The following CELF2 variants were observed in gnomAD, a reference collection of about 807,000 sequenced individuals.
CELF2 encodes CUG triplet repeat RNA-binding protein 2.
Under a neutral mutation model 62.6 loss-of-function variants are expected in CELF2, and 8 were observed. The ratio of observed to expected loss-of-function variants is 0.13; its 90% CI spans 0.07 to 0.23. The LOEUF is 0.23. CELF2 is among the 10% of genes least tolerant of loss of function. The pLI is 1.00. For missense variants in CELF2, 333 were observed against 671.0 expected (o/e 0.50, Z 5.56); for synonymous variants, 258 against 250.0 (o/e 1.03, Z -0.30).
the CELF2 span, among the ~76,000 whole-genome samples, chr10:10,715,120 TAA>T: frequency 9.9e-5 from 15 of 152,184 alleles, 1 homozygote; most frequent in Non-Finnish European, 2.9e-5. Context: ...CTGAAATCAT[TAA>T]GTGAGTCAAT....
chr10:10,930,062 C>T (rs1045510986), intron 2 of CELF2, among the ~76,000 whole-genome samples: 3 of 152,092 alleles, frequency 2.0e-5, no homozygotes, highest in African/African-American at 2.4e-5. Context: ...TTTATAGATG[C>T]GTATAAGAAT....
chr10:11,241,191 A>G (rs540169068), intron 3 of CELF2, among the ~76,000 whole-genome samples: 19 of 152,298 alleles, frequency 1.2e-4, no homozygotes, highest in African/African-American at 4.1e-4. Context: ...TGTCCCAGTG[A>G]TAAAAACTGC....
At position 11,244,455 on chromosome 10, in the gene CELF2, C is replaced by T. The variant is rs1008200525; in HGVS notation, c.355-4698C>T. 6.6e-6 allele frequency among the ~76,000 whole-genome samples: 1 copy of T among 152,084 alleles called. No individual in the cohort carries two copies. The highest frequency in any genetic ancestry group is 2.4e-5 in the African/African-American group (1 of 41,398). On this transcript the variant is annotated intron_variant, in intron 3 of 12. Coordinates refer to ENST00000633077, the MANE Select transcript of CELF2 (RefSeq NM_001326342.2). This position sits in a 1 kb window ranked among gnomAD's most constrained non-coding sequence, Gnocchi z 4.2. ...GATCCCAAGGTCAGGAGATCGAGAC[C>T]ATCGTGGCTAACATGGTGAAACCCT...
At chr10:10,973,027 C>T (rs1397857494) in intron 2 of CELF2, among the ~76,000 whole-genome samples, 2 of 152,148 alleles carry the variant, frequency 1.3e-5, no homozygotes, top group Admixed American at 6.5e-5. Flanking sequence ...CGGTGGCTCA[C>T]GCCTGTAATC....
At chr10:11,236,483 A>C (rs533720731) in intron 3 of CELF2, among the ~76,000 whole-genome samples, 20 of 152,366 alleles carry the variant, frequency 1.3e-4, no homozygotes, top group Middle Eastern at 3.4e-3. Context: ...TGTTGTTTTA[A>C]GTCATCAAGT....
At chr10:10,905,673 C>T (rs755755768) in intron 1 of CELF2, among the ~76,000 whole-genome samples, 30 of 151,738 alleles carry the variant, frequency 2.0e-4, no homozygotes, top group Non-Finnish European at 3.2e-4. Context: ...GGTCAGAGAT[C>T]GAGACCATCC....
chr10:11,023,005 T>C (rs1169393122), intron 1 of CELF2, among the ~76,000 whole-genome samples: 1 of 152,264 alleles, frequency 6.6e-6, no homozygotes, highest in Non-Finnish European at 1.5e-5. Context: ...ATGTTGCTTA[T>C]GTTCAATGCT....
At chr10:11,278,832 T>G (rs2087138400) in intron 8 of CELF2, among the ~76,000 whole-genome samples, 1 of 152,192 alleles carries the variant, frequency 6.6e-6, no homozygotes, top group Admixed American at 6.5e-5. Flanking sequence ...AAGTAGGGAC[T>G]CTAAGTTAGC....
intron 12 of CELF2, among the ~76,000 whole-genome samples, chr10:11,326,588 T>C (rs777067295): frequency 2.6e-5 from 4 of 152,158 alleles, no homozygotes; most frequent in Non-Finnish European, 5.9e-5. Context: ...CTCTGCCTCT[T>C]GTGGGTGTTT....
At chr10:10,800,388 G>A (rs2054541388) in intron 1 of CELF2, among the ~76,000 whole-genome samples, 1 of 151,848 alleles carries the variant, frequency 6.6e-6, no homozygotes, top group Non-Finnish European at 1.5e-5. Flanking sequence ...TTTCACTCTT[G>A]TTGCCCAGGC....
the CELF2 span, among the ~76,000 whole-genome samples, chr10:10,500,383 T>C: frequency 6.6e-6 from 1 of 152,330 alleles, no homozygotes; most frequent in South Asian, 2.1e-4. Flanking sequence ...TCGTAGCTTC[T>C]ACAATTCTCA....
rs76912044 is a variant in CELF2 at position 11,243,545 on chromosome 10, G to A, written c.355-5608G>A. On this transcript the variant is annotated intron_variant, in intron 3 of 12. Coordinates refer to ENST00000633077, the MANE Select transcript of CELF2 (RefSeq NM_001326342.2). The surrounding 1 kb of genome is among the most constrained non-coding windows in gnomAD (Gnocchi z 4.1). ...TGCCATTTCCCCACAAGCATGCTGC[G>A]GCCTTGCGTGAGAGGACCAGAGATC... is the stretch of plus-strand genomic sequence containing the variant. 0.014 allele frequency among the ~76,000 whole-genome samples: 2,082 copies of A among 152,210 alleles called. 44 individuals are homozygous for A. Among genetic ancestry groups the A allele is most frequent in the East Asian group, 0.044 (226 of 5,178 alleles).
At chr10:10,933,589 C>T (rs1366524814) in intron 2 of CELF2, among the ~76,000 whole-genome samples, 1 of 151,902 alleles carries the variant, frequency 6.6e-6, no homozygotes, top group Non-Finnish European at 1.5e-5. Flanking sequence ...TTCCCAGTGC[C>T]CTCCTCTCAT....
chr10:10,861,445 C>T (rs767069687), intron 1 of CELF2, among the ~76,000 whole-genome samples: 2 of 152,138 alleles, frequency 1.3e-5, no homozygotes, highest in African/African-American at 2.4e-5. Flanking sequence ...TACATAGAAA[C>T]TCATAGTATG....
chr10:11,113,078 T>TA (rs1816681166), intron 1 of CELF2, among the ~76,000 whole-genome samples: 1 of 152,244 alleles, frequency 6.6e-6, no homozygotes, highest in Admixed American at 6.5e-5. Context: ...CACTGGGTCT[T>TA]ACTACCAGTA....
rs1368228524 is a variant in CELF2, at chr10:11,176,445, CAA to C, written c.271+10765_271+10766del. ...TGATGGATCAAAATCCCCTTGGCACCAAAGAGTGACTGATAGTGTTAACCATC... is the reference window on the plus strand; with the variant it reads ...TGATGGATCAAAATCCCCTTGGCACCAGAGTGACTGATAGTGTTAACCATC... On this transcript the variant is annotated intron_variant, in intron 2 of 12. Coordinates refer to ENST00000633077, the MANE Select transcript of CELF2 (RefSeq NM_001326342.2). Among the ~76,000 whole-genome samples, 17 of 152,228 alleles carry C rather than the reference CAA, an allele frequency of 1.1e-4. No homozygotes were observed. In the East Asian group the frequency reaches 3.3e-3, roughly 29 times the overall value.
chr10:10,696,005 C>T, the CELF2 span, among the ~76,000 whole-genome samples: 82 of 152,014 alleles, frequency 5.4e-4, 1 homozygote, highest in African/African-American at 1.4e-3. Context: ...CTTCTCTCAG[C>T]TCGTCAAAGT....
Position 11,177,113 on chromosome 10 carries a change from G to A in CELF2, c.271+11431G>A, listed in dbSNP as rs1328914989. 1.3e-5 allele frequency among the ~76,000 whole-genome samples: 2 copies of A among 152,120 alleles called. No homozygotes were observed. The highest frequency in any genetic ancestry group is 1.9e-4 in the East Asian group (1 of 5,182). On this transcript the variant is annotated intron_variant, in intron 2 of 12. Transcript: ENST00000633077. This position sits in a 1 kb window ranked among gnomAD's most constrained non-coding sequence, Gnocchi z 4.8. ...TGTTAAGGTGGTTATTAGAAGACTC[G>A]CAACTTAGAAAAGGAAGTAAACATG...
chr10:10,612,032 G>T, the CELF2 span, among the ~76,000 whole-genome samples: 17 of 152,094 alleles, frequency 1.1e-4, no homozygotes, highest in African/African-American at 4.1e-4. Flanking sequence ...ACTGGTTATG[G>T]TATTATGTGG....
Sources: gnomAD v4.1 joint callset for allele counts (sites outside exome capture counted in the v4.1 genomes callset) on GRCh38, gnomAD v4.1.1 for gene constraint, Gnocchi (gnomAD v3.1) non-coding constraint, MANE v1.5 for transcripts, NCBI Gene and HGNC (gene_info 2026-07-23, HGNC 2026-07-21) for gene names.